The following SLC35F1 variants were observed in gnomAD, a reference collection of about 807,000 sequenced individuals.
SLC35F1 encodes chromosome 6 open reading frame 169.
SLC35F1 carries 14 observed loss-of-function variants against 48.7 expected under a neutral mutation model. The ratio of observed to expected loss-of-function variants is 0.29; its 90% CI spans 0.19 to 0.45. The LOEUF (loss-of-function observed/expected upper bound fraction) is 0.45, where lower values mean the gene tolerates loss of function less well. SLC35F1 is among the 20% of genes least tolerant of loss of function. The probability of loss-of-function intolerance (pLI) is 1.00; values close to 1 mark genes in which losing one functional copy is unlikely to be tolerated. For missense variants in SLC35F1, 404 were observed against 500.0 expected, an observed-to-expected ratio of 0.81 and a Z score of 1.83; for synonymous variants, 190 against 202.2, an observed-to-expected ratio of 0.94 and a Z score of 0.51.
chr6:118,272,675 G>T (rs150169771), intron 4 of SLC35F1, among the ~76,000 whole-genome samples: 5,717 of 148,296 alleles, frequency 0.039, 381 homozygotes, highest in African/African-American at 0.13. Context: ...TATAGTAAAG[G>T]GTTGATTGAA....
At position 118,285,192 on chromosome 6, in the gene SLC35F1, T is replaced by G; in HGVS notation, c.856T>G (p.Tyr286Asp). 4 of 1,613,904 alleles carry G rather than the reference T, an allele frequency of 2.5e-6. No individual in the cohort carries two copies. The highest frequency in any genetic ancestry group is 3.4e-6 in the Non-Finnish European group (4 of 1,179,830). ...CTTTACTCTTCCCCCAGGACTGCTC[T>G]ACGTTGGCTTTAGTGCCTGCATGTT... ...VPWDWQIGLL[Y>D]VGFSACMFGL... The change falls in exon 7 of 8, where the codon TAC becomes GAC. Residue 286 changes from tyrosine to aspartate, a missense_variant. Tyr to Asp is a radical substitution (Grantham distance 160, BLOSUM62 -3). Around this residue, in one of 2 missense-constraint regions of SLC35F1, gnomAD observed 306 missense variants for 419.1 expected, o/e 0.73. Coordinates refer to ENST00000360388, the MANE Select transcript of SLC35F1 (RefSeq NM_001029858.4).
At chr6:118,020,478 A>G (rs1777379960) in intron 1 of SLC35F1, among the ~76,000 whole-genome samples, 4 of 152,166 alleles carry the variant, frequency 2.6e-5, no homozygotes, top group Admixed American at 2.6e-4. Flanking sequence ...TCTGAATGGG[A>G]TATGACATGG....
At chr6:117,958,100 T>A (rs985593851) in intron 1 of SLC35F1, among the ~76,000 whole-genome samples, 7 of 152,088 alleles carry the variant, frequency 4.6e-5, no homozygotes, top group African/African-American at 1.7e-4. Flanking sequence ...AGACCTAGAC[T>A]AATGTGTGTA....
intron 1 of SLC35F1, among the ~76,000 whole-genome samples, chr6:118,052,413 A>G (rs1468380756): frequency 6.6e-6 from 1 of 152,202 alleles, no homozygotes; most frequent in East Asian, 1.9e-4. Context: ...TTTCTGATGT[A>G]TAAATAAGTG....
chr6:118,071,701 G>A (rs1772731913), intron 1 of SLC35F1, among the ~76,000 whole-genome samples: 1 of 152,108 alleles, frequency 6.6e-6, no homozygotes, highest in South Asian at 2.1e-4. Flanking sequence ...GCTCTACACT[G>A]TATTATATGG....
chr6:118,148,529 A>C (rs192305202), intron 1 of SLC35F1, among the ~76,000 whole-genome samples: 4 of 152,346 alleles, frequency 2.6e-5, no homozygotes, highest in Admixed American at 2.0e-4. Context: ...ACAGGTATTT[A>C]GCTTCCAGCA....
At chr6:118,216,497 G>A (rs6923286) in intron 2 of SLC35F1, among the ~76,000 whole-genome samples, 140,352 of 150,366 alleles carry the variant, frequency 0.93, 65,563 homozygotes, top group East Asian at 0.98. Context: ...AGAAAAGAAA[G>A]ACCAATGGAG....
At chr6:118,216,011 G>T (rs1775066479) in intron 2 of SLC35F1, among the ~76,000 whole-genome samples, 1 of 151,652 alleles carries the variant, frequency 6.6e-6, no homozygotes, top group Non-Finnish European at 1.5e-5. Flanking sequence ...TCATTTTAAG[G>T]ATTTAAAGAT....
chr6:118,283,996 T>C (rs182574873), intron 6 of SLC35F1, among the ~76,000 whole-genome samples: 9 of 152,326 alleles, frequency 5.9e-5, no homozygotes, highest in Admixed American at 5.9e-4. Flanking sequence ...GGGGCTGTTG[T>C]ACTGAGTTTA....
At chr6:118,232,330 T>C (rs1396896426) in intron 2 of SLC35F1, among the ~76,000 whole-genome samples, 3 of 152,050 alleles carry the variant, frequency 2.0e-5, no homozygotes, top group African/African-American at 4.8e-5. Context: ...GGCAGGCGGA[T>C]CACAAGGTCA....
At chr6:117,932,089 CT>C (rs1301255236) in intron 1 of SLC35F1, among the ~76,000 whole-genome samples, 6 of 152,112 alleles carry the variant, frequency 3.9e-5, no homozygotes, top group African/African-American at 1.4e-4. Context: ...CCTTCCATAT[CT>C]TCTGCCACAT....
At chr6:118,002,345 G>A (rs566462602) in intron 1 of SLC35F1, among the ~76,000 whole-genome samples, 29 of 151,822 alleles carry the variant, frequency 1.9e-4, no homozygotes, top group South Asian at 4.2e-4. Flanking sequence ...GCATACTATC[G>A]CAAGGACAAA....
At chr6:118,124,906 A>G (rs563101292) in intron 1 of SLC35F1, among the ~76,000 whole-genome samples, 2 of 152,294 alleles carry the variant, frequency 1.3e-5, no homozygotes, top group Admixed American at 6.5e-5. Flanking sequence ...AATATTCTTC[A>G]CAACGTGCAA....
chr6:118,210,413 ATCTAAT>A (rs1475970956), intron 2 of SLC35F1, among the ~76,000 whole-genome samples: 1 of 152,226 alleles, frequency 6.6e-6, no homozygotes, highest in Non-Finnish European at 1.5e-5. Context: ...GGACAAAAAA[ATCTAAT>A]TCTAATTTGC....
chr6:117,957,080 C>T (rs759299533), intron 1 of SLC35F1, among the ~76,000 whole-genome samples: 5 of 152,148 alleles, frequency 3.3e-5, no homozygotes, highest in Non-Finnish European at 4.4e-5. Context: ...CCTCCTGACT[C>T]GGGTATCCTG....
chr6:118,147,129 G>A (rs1250907686), intron 1 of SLC35F1, among the ~76,000 whole-genome samples: 1 of 152,182 alleles, frequency 6.6e-6, no homozygotes, highest in African/African-American at 2.4e-5. Flanking sequence ...TTGTGAGTCA[G>A]GGCCATCTTC....
At chr6:118,277,981 G>A (rs1410131188) in intron 6 of SLC35F1, among the ~76,000 whole-genome samples, 1 of 152,188 alleles carries the variant, frequency 6.6e-6, no homozygotes, top group African/African-American at 2.4e-5. Context: ...AATGTAATGG[G>A]CATTCTGAGC....
At chr6:118,143,769 A>T (rs913777159) in intron 1 of SLC35F1, among the ~76,000 whole-genome samples, 1 of 152,232 alleles carries the variant, frequency 6.6e-6, no homozygotes, top group Non-Finnish European at 1.5e-5. Flanking sequence ...AGTTACTGTC[A>T]GAGGCAGTTT....
chr6:118,084,578 C>T lies in SLC35F1; in HGVS notation c.174-69867C>T, dbSNP rs574731771. On this transcript the variant is annotated intron_variant, in intron 1 of 7. Coordinates refer to ENST00000360388, the MANE Select transcript of SLC35F1 (RefSeq NM_001029858.4). Reference sequence around the variant, plus strand: ...GATGAGGCAGGAACAAAAATACCTACTAGAAGGTACAGTATGTGGTGTGCT... The same window carrying T: ...GATGAGGCAGGAACAAAAATACCTATTAGAAGGTACAGTATGTGGTGTGCT... Among the ~76,000 whole-genome samples, 5 of 152,140 alleles carry T rather than the reference C, an allele frequency of 3.3e-5. No individual in the cohort carries two copies. The South Asian group carries it at 1.0e-3, about 32-fold the overall frequency.
Sources: allele counts gnomAD v4.1 joint callset (sites outside exome capture counted in the v4.1 genomes callset), GRCh38; gene constraint gnomAD v4.1.1; regional missense constraint gnomAD v4.1.1; transcripts MANE v1.5; gene names NCBI Gene and HGNC (gene_info 2026-07-23, HGNC 2026-07-21).